Variants in ELL observed in about 807,000 individuals in gnomAD.
ELL encodes the protein elongation factor for RNA polymerase II.
In ELL, 18 loss-of-function variants were observed where a neutral mutation model predicts 64.0. The observed-to-expected ratio is 0.28, with a 90% CI of 0.19 to 0.42. ELL has a LOEUF of 0.42. ELL is among the 10% of genes least tolerant of loss of function. The probability of loss-of-function intolerance (pLI) is 1.00; values close to 1 mark genes in which losing one functional copy is unlikely to be tolerated. For missense variants in ELL, 797 were observed against 870.4 expected, an observed-to-expected ratio of 0.92 and a Z score of 1.06; for synonymous variants, 399 against 376.2, an observed-to-expected ratio of 1.06 and a Z score of -0.70.
At chr19:18,472,528 G>A in intron 2 of ELL, 1 of 404,388 alleles carries the variant, frequency 2.5e-6, no homozygotes, top group South Asian at 4.7e-5. Flanking sequence ...TTCCTAACCA[G>A]TCCAGTGCTG....
intron 1 of ELL, among the ~76,000 whole-genome samples, chr19:18,484,743 A>T (rs568265045): frequency 6.6e-6 from 1 of 152,338 alleles, no homozygotes; most frequent in African/African-American, 2.4e-5. Context: ...GAGGAGTGCA[A>T]GAGTTTGGTG....
chr19:18,470,009 T>C (rs902293631), intron 2 of ELL, among the ~76,000 whole-genome samples: 14 of 152,204 alleles, frequency 9.2e-5, no homozygotes, highest in African/African-American at 3.1e-4. Flanking sequence ...GCCCCAAAGC[T>C]AACAGCCCAC....
At chr19:18,486,627 C>T (rs117464153) in intron 1 of ELL, among the ~76,000 whole-genome samples, 10 of 152,314 alleles carry the variant, frequency 6.6e-5, no homozygotes, top group Non-Finnish European at 1.2e-4. Flanking sequence ...TCACGTCAGC[C>T]GCCTGGATGA....
intron 4 of ELL, among the ~76,000 whole-genome samples, chr19:18,462,179 A>T (rs897604337): frequency 8.3e-6 from 1 of 120,042 alleles, no homozygotes; most frequent in South Asian, 2.9e-4. Context: ...TCTGGTGGGC[A>T]GTGTGTGTGT....
chr19:18,491,511 C>T (rs990050043), intron 1 of ELL, among the ~76,000 whole-genome samples: 1 of 152,084 alleles, frequency 6.6e-6, no homozygotes, highest in Non-Finnish European at 1.5e-5. Context: ...CAGAAGGACT[C>T]TAGGCTTGAG....
At chr19:18,450,347 G>A (rs1974495957) in intron 8 of ELL, 130 bp downstream of exon 8, 5 of 1,425,308 alleles carry the variant, frequency 3.5e-6, no homozygotes, top group African/African-American at 1.4e-5. Flanking sequence ...CAAATCTGAT[G>A]GGGCCTGGGG....
At chr19:18,461,286 C>T (rs1468568623) in intron 5 of ELL, among the ~76,000 whole-genome samples, 1 of 152,230 alleles carries the variant, frequency 6.6e-6, no homozygotes, top group African/African-American at 2.4e-5. Flanking sequence ...CTGTGCCAGG[C>T]CCCACGGCCC....
intron 1 of ELL, among the ~76,000 whole-genome samples, chr19:18,496,788 T>C (rs866686833): frequency 2.0e-5 from 3 of 152,228 alleles, no homozygotes; most frequent in South Asian, 2.1e-4. Context: ...TCTTCCACTA[T>C]GGGCAAACAT....
chr19:18,494,966 A>G (rs1196506242), intron 1 of ELL, among the ~76,000 whole-genome samples: 1 of 152,200 alleles, frequency 6.6e-6, no homozygotes, highest in African/African-American at 2.4e-5. Context: ...GAGTTGAAAA[A>G]GACAGCAAGG....
chr19:18,522,064 C>G lies in ELL; in HGVS notation c.-9G>C, dbSNP rs1488421122. The G allele has an allele frequency of 1.3e-6, 2 of 1,593,808 alleles. No individual in the cohort carries two copies. The highest frequency in any genetic ancestry group is 1.7e-6 in the Non-Finnish European group (2 of 1,168,570). The stretch of plus-strand genomic sequence containing the variant: ...TCCTTCAGCGCCGCCATCTTGCGAC[C>G]ATCTCTCCCCCGCGCCCCCTTCCCG... On this transcript the variant is annotated 5_prime_UTR_variant, in exon 1 of 12. It removes an upstream start codon present in the reference 5' UTR. Coordinates refer to ENST00000262809, the MANE Select transcript of ELL (RefSeq NM_006532.4).
rs182131354 is a variant in ELL, at chr19:18,503,383, C to A, written c.135+18538G>T. The stretch of plus-strand genomic sequence containing the variant: ...AGGGAGTGAAGCAGACCCATAGGAG[C>A]GAGGGAGCCCCAGCAAGTGGGGGGC... On this transcript the variant is annotated intron_variant, in intron 1 of 11. Coordinates refer to ENST00000262809, the MANE Select transcript of ELL (RefSeq NM_006532.4). Among the ~76,000 whole-genome samples, 434 of 152,300 alleles carry A rather than the reference C, an allele frequency of 2.8e-3. 4 individuals carry two copies. Among genetic ancestry groups the A allele is most frequent in the African/African-American group, 0.01 (417 of 41,562 alleles).
At chr19:18,462,361 GTGTT>G (rs1355132189) in intron 4 of ELL, among the ~76,000 whole-genome samples, 17 of 86,060 alleles carry the variant, frequency 2.0e-4, no homozygotes, top group South Asian at 9.8e-4. Flanking sequence ...GTGTGTGTGT[GTGTT>G]TGGGCGGGGG....
chr19:18,496,417 C>T (rs1456306371), intron 1 of ELL, among the ~76,000 whole-genome samples: 3 of 152,264 alleles, frequency 2.0e-5, no homozygotes, highest in African/African-American at 7.2e-5. Context: ...GAGACCTGAC[C>T]AGACTCAGCC....
Position 18,461,771 on chromosome 19 carries a change from A to T in ELL, c.551T>A (p.Leu184Ter). The T allele has an allele frequency of 6.2e-7, 1 of 1,614,086 alleles. No individual in the cohort carries two copies. ...PSRKRATPIN[L>*]ASAIRKSGAS... ...ACCACTCTTCCTGATGGCACTCGCC[A>T]AGTTGATGGGGGTTGCCCGCTTCCG... The change falls in exon 5 of 12, where the codon TTG becomes TAG. Residue 184 changes from leucine to a stop codon, truncating the protein, a stop_gained. Transcript: ENST00000262809. LOFTEE classifies it high-confidence loss of function.
At chr19:18,516,875 A>G (rs1235053250) in intron 1 of ELL, among the ~76,000 whole-genome samples, 1 of 152,124 alleles carries the variant, frequency 6.6e-6, no homozygotes, top group African/African-American at 2.4e-5. Flanking sequence ...GGGAGGGGTC[A>G]GGCACTCACC....
At chr19:18,444,999 G>A (rs1974382569) in intron 11 of ELL, 131 bp from the exon 12 acceptor site, 6 of 1,143,378 alleles carry the variant, frequency 5.2e-6, no homozygotes, top group Admixed American at 4.1e-5. Flanking sequence ...TGGTCCAAGG[G>A]CAGAGTGGGA....
intron 1 of ELL, among the ~76,000 whole-genome samples, chr19:18,492,364 A>G (rs916099735): frequency 6.6e-6 from 1 of 152,152 alleles, no homozygotes; most frequent in Non-Finnish European, 1.5e-5. Flanking sequence ...CTTGAATTTG[A>G]GTGGGATGAA....
Position 18,461,802 on chromosome 19 carries a change from G to A in ELL, c.520C>T (p.Pro174Ser). ...ATGGGGGTTGCCCGCTTCCGGGAGG[G>A]CACCGCGTCTGTTGCACCTGGGGCT... ...KPAPGATDAV[P>S]SRKRATPINL... is the part of the protein sequence containing the mutation. Residue 174 changes from proline to serine, a missense_variant, in exon 5 of 12, where the codon CCC becomes TCC. By Grantham distance (74) the Pro-to-Ser change is moderately conservative. Coordinates refer to ENST00000262809, the MANE Select transcript of ELL (RefSeq NM_006532.4). The A allele has an allele frequency of 1.2e-6, 2 of 1,614,086 alleles. No individual in the cohort carries two copies. Among genetic ancestry groups the A allele is most frequent in the African/African-American group, 1.3e-5 (1 of 75,062 alleles).
In ELL at chr19:18,446,291, G is replaced by A. The variant is rs979185373; in HGVS notation, c.1704+18C>T. 3 of 1,548,694 alleles carry A rather than the reference G, an allele frequency of 1.9e-6. No individual in the cohort carries two copies. ...TCCCGCCAGAGCCAGGGCACAGTAG[G>A]CAGCGGGGGGGCTCTACCTCATACT... On this transcript the variant is annotated intron_variant, in intron 10 of 11. Transcript: ENST00000262809.
Sources: gnomAD v4.1 joint callset for allele counts (sites outside exome capture counted in the v4.1 genomes callset) on GRCh38, gnomAD v4.1.1 for gene constraint, MANE v1.5 for transcripts, NCBI Gene and HGNC (gene_info 2026-07-23, HGNC 2026-07-21) for gene names.